GSTA4: variants seen among roughly 807,000 people sequenced by gnomAD.
GSTA4 encodes glutathione S-transferase alpha 4, also known as glutathione S-transferase A4.
GSTA4 carries 15 observed loss-of-function variants against 24.4 expected under a neutral mutation model. That is an observed-to-expected ratio of 0.61 (90% CI 0.41 to 0.95). The LOEUF is 0.95. GSTA4 is among the 40% of genes least tolerant of loss of function. The pLI is 0.00. For missense variants in GSTA4, 244 were observed against 262.1 expected, an observed-to-expected ratio of 0.93 and a Z score of 0.48; for synonymous variants, 92 against 94.2, an observed-to-expected ratio of 0.98 and a Z score of 0.13.
At chr6:52,978,959 T>C (rs1172587947) in intron 6 of GSTA4, among the ~76,000 whole-genome samples, 2 of 152,188 alleles carry the variant, frequency 1.3e-5, no homozygotes, top group Non-Finnish European at 2.9e-5. Flanking sequence ...TCTATGATTA[T>C]TTACAATCTC....
At chr6:52,987,323 G>A (rs1763580768) in intron 3 of GSTA4, 34 bp downstream of exon 3, 1 of 1,331,666 alleles carries the variant, frequency 7.5e-7, no homozygotes, top group East Asian at 2.3e-5. Flanking sequence ...AGGAAAATCA[G>A]TATTAGAGGC....
rs1368110408 is a variant in GSTA4, at chr6:52,985,530, A to G, written c.193T>C (p.Leu65=). 1.9e-6 allele frequency: 3 copies of G among 1,614,000 alleles called. No individual in the cohort carries two copies. The highest frequency in any genetic ancestry group is 1.1e-5 in the South Asian group (1 of 91,078). The change falls in exon 4 of 7, where the codon TTG becomes CTG. Residue 65 remains leucine, a synonymous_variant. Coordinates refer to ENST00000370963, the MANE Select transcript of GSTA4 (RefSeq NM_001512.4). ...VPMVEIDGMK[L]VQTRSILHYI... ...TGGAGAATGCTTCGGGTCTGTACCA[A>G]CTTCATCCCGTCAATTTCAACCATG...
At chr6:52,983,338 G>GGCAAGAA (rs1480455292) in intron 5 of GSTA4, among the ~76,000 whole-genome samples, 1 of 152,234 alleles carries the variant, frequency 6.6e-6, no homozygotes, top group Non-Finnish European at 1.5e-5. Flanking sequence ...ATTAGGGAGA[G>GGCAAGAA]GCAAGAAGCA....
intron 6 of GSTA4, among the ~76,000 whole-genome samples, chr6:52,979,777 CTAA>C (rs945629851): frequency 3.9e-5 from 6 of 152,256 alleles, no homozygotes; most frequent in East Asian, 1.9e-4. Context: ...AACAAAAACC[CTAA>C]TAATGATGCC....
At chr6:52,980,233 T>C (rs1368737114) in intron 6 of GSTA4, among the ~76,000 whole-genome samples, 1 of 152,182 alleles carries the variant, frequency 6.6e-6, no homozygotes, top group East Asian at 1.9e-4. Flanking sequence ...CAATGAAAAG[T>C]ACTTTACTGC....
chr6:52,993,211 A>T (rs982413379), intron 2 of GSTA4, among the ~76,000 whole-genome samples: 1 of 152,232 alleles, frequency 6.6e-6, no homozygotes, highest in African/African-American at 2.4e-5. Context: ...GTGATGTAAG[A>T]TGTTATCATT....
At chr6:52,980,561 C>T (rs1763433373) in intron 6 of GSTA4, among the ~76,000 whole-genome samples, 2 of 152,142 alleles carry the variant, frequency 1.3e-5, no homozygotes, top group African/African-American at 4.8e-5. Flanking sequence ...ACTTCAGCCA[C>T]CCAAAGTGCT....
At chr6:52,982,863 CAG>C (rs1222251952) in intron 5 of GSTA4, among the ~76,000 whole-genome samples, 158 bp from the exon 6 acceptor site, 1 of 144,784 alleles carries the variant, frequency 6.9e-6, no homozygotes, top group Non-Finnish European at 1.5e-5. Flanking sequence ...CTATATCTGA[CAG>C]AGAGAGTGAG....
Position 52,978,569 on chromosome 6 carries a change from ATTAC to A in GSTA4, c.566_569del (p.Ser189IlefsTer24). ...CAAGGAATCTCTTAATTGTAGGGAT[ATTAC>A]TTAGTTTCACTGTGTATTCCTGAAA... On this transcript the variant is annotated frameshift_variant, in exon 7 of 7. Coordinates refer to ENST00000370963, the MANE Select transcript of GSTA4 (RefSeq NM_001512.4). LOFTEE classifies it high-confidence loss of function. 1.2e-6 allele frequency: 2 copies of A among 1,611,308 alleles called. No homozygotes were observed. Among genetic ancestry groups the A allele is most frequent in the Non-Finnish European group, 1.7e-6 (2 of 1,178,088 alleles).
In GSTA4 at chr6:52,978,356, G is replaced by C. The variant is rs1763384228; in HGVS notation, c.*114C>G. The C allele has an allele frequency of 1.9e-6, 2 of 1,046,772 alleles. No homozygotes were observed. Among genetic ancestry groups the C allele is most frequent in the Non-Finnish European group, 2.8e-6 (2 of 709,564 alleles). The allele number at this position is 1,046,772 out of a possible 1,614,324, so 64.8% of individuals were successfully genotyped here. A position where few individuals can be genotyped will look rare whatever the true frequency, so the allele number is the denominator to read the frequency against. The stretch of plus-strand genomic sequence containing the variant: ...TCGTTGACACAAAAGACCCAACTTA[G>C]GACCCAACTTAATACATAGATAGCA... On this transcript the variant is annotated 3_prime_UTR_variant, in exon 7 of 7. Transcript: ENST00000370963.
chr6:52,984,182 C>T (rs760000125), intron 5 of GSTA4, among the ~76,000 whole-genome samples: 1 of 152,214 alleles, frequency 6.6e-6, no homozygotes, highest in Non-Finnish European at 1.5e-5. Flanking sequence ...TGTATCCACA[C>T]AAGGTGGGAA....
In GSTA4 at chr6:52,987,418, T is replaced by TA; in HGVS notation, c.88-11dup. ...GAAATTCTTCATCAAACTAAATTTTTAAAAAAGAAACGTATATATACATAG... is the reference window on the plus strand; with the variant it reads ...GAAATTCTTCATCAAACTAAATTTTTAAAAAAAGAAACGTATATATACATAG... On this transcript the variant is annotated splice_polypyrimidine_tract_variant and intron_variant, in intron 2 of 6. Transcript: ENST00000370963. 2 of 1,476,172 alleles carry TA rather than the reference T, an allele frequency of 1.4e-6. No individual in the cohort carries two copies. The highest frequency in any genetic ancestry group is 1.9e-6 in the Non-Finnish European group (2 of 1,058,312). The allele number at this position is 1,476,172 out of a possible 1,614,324, so 91.4% of individuals were successfully genotyped here.
intron 2 of GSTA4, among the ~76,000 whole-genome samples, chr6:52,991,563 G>C (rs1468756219): frequency 6.6e-6 from 1 of 152,116 alleles, no homozygotes; most frequent in Non-Finnish European, 1.5e-5. Context: ...GTAATTTATG[G>C]GAAGTACAGA....
rs1333321135 is a variant in GSTA4, at chr6:52,994,225, G to T, written c.19C>A (p.Leu7Ile). 6.2e-7 allele frequency: 1 copy of T among 1,612,888 alleles called. No homozygotes were observed. The highest frequency in any genetic ancestry group is 1.3e-5 in the African/African-American group (1 of 75,026). ...CGGCCTCTTCCGTTGGGATAGTGGA[G>T]CTTGGGCCTTGCTGCCATGATAGCT... MAARPK[L>I]HYPNGRGRME... Residue 7 changes from leucine (L) to isoleucine (I), a missense_variant, in exon 2 of 7, where the codon CTC becomes ATC. Transcript: ENST00000370963.
At chr6:52,978,960 T>G (rs17614871) in intron 6 of GSTA4, among the ~76,000 whole-genome samples, 7,062 of 152,122 alleles carry the variant, frequency 0.046, 228 homozygotes, top group Non-Finnish European at 0.067. Flanking sequence ...CTATGATTAT[T>G]TACAATCTCT....
rs567209569 is a variant in GSTA4, at chr6:52,982,520, T to C, written c.546+54A>G. ...CCAAAGCCAACCAAACAATAGACAC[T>C]GAAGGAAGGCCCAAGAGTTCTAGGC... On this transcript the variant is annotated intron_variant, in intron 6 of 6. Transcript: ENST00000370963. 81 of 1,414,176 alleles carry C rather than the reference T, an allele frequency of 5.7e-5. No individual in the cohort carries two copies. The African/African-American group carries it at 8.6e-4, about 15-fold the overall frequency. The allele number at this position is 1,414,176 out of a possible 1,614,324, so 87.6% of individuals were successfully genotyped here. A position where few individuals can be genotyped will look rare whatever the true frequency, so the allele number is the denominator to read the frequency against.
chr6:52,985,192 T>C (rs1382173775), intron 4 of GSTA4, among the ~76,000 whole-genome samples: 3 of 152,194 alleles, frequency 2.0e-5, no homozygotes, highest in African/African-American at 7.2e-5. Flanking sequence ...AAAAGCAGTA[T>C]CAAAGCATTT....
At chr6:52,980,081 C>T (rs1763419808) in intron 6 of GSTA4, among the ~76,000 whole-genome samples, 1 of 152,092 alleles carries the variant, frequency 6.6e-6, no homozygotes, top group Admixed American at 6.5e-5. Context: ...TGTATTTACG[C>T]AGATAATGCT....
At position 52,995,277 on chromosome 6, in the gene GSTA4, CA is replaced by C. The variant is rs1763749965; in HGVS notation, c.-48del. On this transcript the variant is annotated 5_prime_UTR_variant, in exon 1 of 7. Transcript: ENST00000370963. ...GAGTCCACTCGGAGGCCTGGAGCCG[CA>C]CAAAGCGCCAGGTCAGCGGTCCCGG... 6.6e-6 allele frequency: 1 copy of C among 152,274 alleles called. No homozygotes were observed. The highest frequency in any genetic ancestry group is 1.5e-5 in the Non-Finnish European group (1 of 68,094). 9.4% of individuals were successfully genotyped at this position (152,274 alleles called of 1,614,324 possible).
Sources: allele counts gnomAD v4.1 joint callset (sites outside exome capture counted in the v4.1 genomes callset), GRCh38; gene constraint gnomAD v4.1.1; transcripts MANE v1.5; gene names NCBI Gene and HGNC (gene_info 2026-07-23, HGNC 2026-07-21).